The following PSG6 variants were observed in gnomAD, a reference collection of about 807,000 sequenced individuals.
PSG6 encodes the protein pregnancy-specific beta-1-glycoprotein 6.
A neutral mutation model predicts 43.3 loss-of-function variants in PSG6; 51 were observed. That is an observed-to-expected ratio of 1.18 (90% CI 0.94 to 1.49). The LOEUF (loss-of-function observed/expected upper bound fraction) is 1.49. Among genes scored for constraint, PSG6 ranks in the 40% most tolerant of loss-of-function variants. The pLI is 0.00. For synonymous variants in PSG6, 292 were observed against 197.6 expected (o/e 1.48, Z -4.01); for missense variants, 770 against 522.2 (o/e 1.47, Z -4.62).
At chr19:42,917,485 T>A (rs1972360327) in intron 1 of PSG6, among the ~76,000 whole-genome samples, 1 of 149,466 alleles carries the variant, frequency 6.7e-6, no homozygotes, top group Non-Finnish European at 1.5e-5. Flanking sequence ...TGCCTCAGCC[T>A]CCCGAAAGCT....
intron 4 of PSG6, 87 bp downstream of exon 4, chr19:42,907,489 G>C: frequency 6.3e-7 from 1 of 1,580,296 alleles, no homozygotes; most frequent in African/African-American, 1.3e-5. Flanking sequence ...GTCTATACTT[G>C]GACCGGAGAG....
intron 5 of PSG6, among the ~76,000 whole-genome samples, chr19:42,902,997 T>C (rs777460106): frequency 6.6e-6 from 1 of 151,670 alleles, no homozygotes; most frequent in Non-Finnish European, 1.5e-5. Context: ...TCTCATTTAA[T>C]CCACACAATA....
chr19:42,904,027 C>A (rs1449925527), intron 5 of PSG6, among the ~76,000 whole-genome samples: 1 of 151,646 alleles, frequency 6.6e-6, no homozygotes, highest in Non-Finnish European at 1.5e-5. Flanking sequence ...AATAGACAAA[C>A]TCCTAGAAAC....
chr19:42,911,905 C>T (rs910944209), intron 2 of PSG6, among the ~76,000 whole-genome samples: 3 of 151,332 alleles, frequency 2.0e-5, no homozygotes, highest in African/African-American at 7.3e-5. Context: ...ACTGAAATCA[C>T]GGGTATAGGG....
chr19:42,908,687 G>A (rs1470364686), intron 3 of PSG6, among the ~76,000 whole-genome samples: 1 of 151,712 alleles, frequency 6.6e-6, no homozygotes, highest in Non-Finnish European at 1.5e-5. Context: ...ACTGAGTGGT[G>A]GAAAGGGTGG....
intron 5 of PSG6, among the ~76,000 whole-genome samples, chr19:42,902,652 TTCTC>T (rs759148548): frequency 2.0e-5 from 3 of 151,576 alleles, no homozygotes; most frequent in Non-Finnish European, 4.4e-5. Context: ...TAAAACTTCT[TTCTC>T]TTTCTTTTTC....
At chr19:42,903,248 G>A (rs960250004) in intron 5 of PSG6, among the ~76,000 whole-genome samples, 2 of 151,570 alleles carry the variant, frequency 1.3e-5, no homozygotes, top group South Asian at 2.1e-4. Context: ...TATGAAGAAA[G>A]TACTCTTATT....
intron 3 of PSG6, among the ~76,000 whole-genome samples, chr19:42,908,464 A>G (rs1482676986): frequency 6.6e-6 from 1 of 151,766 alleles, no homozygotes; most frequent in Non-Finnish European, 1.5e-5. Flanking sequence ...CAGGTGTTTC[A>G]TGATGACTTA....
At chr19:42,903,017 G>A (rs1021755716) in intron 5 of PSG6, among the ~76,000 whole-genome samples, 2 of 151,508 alleles carry the variant, frequency 1.3e-5, no homozygotes, top group Non-Finnish European at 2.9e-5. Context: ...AACCCTGTCA[G>A]GTAGGCATTA....
Position 42,907,237 on chromosome 19 carries a change from C to G in PSG6, c.986-61G>C, listed in dbSNP as rs112217360. On this transcript the variant is annotated intron_variant, in intron 4 of 5. Transcript: ENST00000187910. The stretch of plus-strand genomic sequence containing the variant: ...TCCAAGGGAAGGGGATGCTCCTGGT[C>G]TCTTAAAGGGACACAGTGACCCTCT... The G allele has an allele frequency of 0.012, 18,502 of 1,577,946 alleles. 2,006 individuals carry two copies. The African/African-American group carries it at 0.22, about 18-fold the overall frequency.
At chr19:42,916,562 A>G in intron 1 of PSG6, 75 bp from the exon 2 acceptor site, 2 of 1,527,666 alleles carry the variant, frequency 1.3e-6, no homozygotes, top group Admixed American at 2.0e-5. Context: ...CTGTGTCCTG[A>G]GAAGGTCTCT....
At chr19:42,913,852 C>A (rs1353327901) in intron 2 of PSG6, among the ~76,000 whole-genome samples, 4 of 151,470 alleles carry the variant, frequency 2.6e-5, no homozygotes, top group Non-Finnish European at 5.9e-5. Context: ...CGCATGATTC[C>A]ATCACCAATC....
Position 42,902,408 on chromosome 19 carries a change from G to A in PSG6, c.*4C>T, listed in dbSNP as rs772400167. 2.5e-6 allele frequency: 4 copies of A among 1,610,698 alleles called. No individual in the cohort carries two copies. The African/African-American group carries it at 5.4e-5, about 22-fold the overall frequency. ...TTTTCTCAGTGTCTCTATTGTGGCA[G>A]CCATTAATGAGACTCTGTCTGGTTT... On this transcript the variant is annotated 3_prime_UTR_variant, in exon 6 of 6. Coordinates refer to ENST00000187910, the MANE Select transcript of PSG6 (RefSeq NM_001031850.4).
intron 2 of PSG6, among the ~76,000 whole-genome samples, chr19:42,914,916 G>C (rs1376893321): frequency 6.6e-6 from 1 of 151,590 alleles, no homozygotes; most frequent in Non-Finnish European, 1.5e-5. Context: ...TAAGATCTGA[G>C]GGGGAGACCT....
intron 3 of PSG6, 26 bp from the exon 4 acceptor site, chr19:42,907,880 T>C (rs1201016460): frequency 6.2e-7 from 1 of 1,607,642 alleles, no homozygotes; most frequent in Admixed American, 1.7e-5. Context: ...AAGATTGTCC[T>C]GTGTGGCACC....
chr19:42,903,179 T>C (rs559426496), intron 5 of PSG6, among the ~76,000 whole-genome samples: 1 of 151,786 alleles, frequency 6.6e-6, no homozygotes, highest in Admixed American at 6.6e-5. Flanking sequence ...CAGCTGACAT[T>C]GGTTCCTCTT....
chr19:42,915,895 G>A, intron 2 of PSG6: 1 of 643,242 alleles, frequency 1.6e-6, no homozygotes, highest in Non-Finnish European at 2.5e-6. Flanking sequence ...CCCCCCATCA[G>A]ACTGTCCTTC....
Position 42,902,115 on chromosome 19 carries a change from A to T in PSG6, c.*297T>A, listed in dbSNP as rs184185375. 3.1e-6 allele frequency: 1 copy of T among 319,870 alleles called. No individual in the cohort carries two copies. Among genetic ancestry groups the T allele is most frequent in the African/African-American group, 2.1e-5 (1 of 46,858 alleles). 19.8% of individuals were successfully genotyped at this position (319,870 alleles called of 1,614,324 possible). ...CTTGTGCAAATAACTTTATTACCATAAACCTATGAATACTCATGAATAGTT... is the reference window on the plus strand; with the variant it reads ...CTTGTGCAAATAACTTTATTACCATTAACCTATGAATACTCATGAATAGTT... On this transcript the variant is annotated 3_prime_UTR_variant, in exon 6 of 6. Coordinates refer to ENST00000187910, the MANE Select transcript of PSG6 (RefSeq NM_001031850.4).
rs1164463715 is a variant in PSG6 at position 42,916,203 on chromosome 19, C to A, written c.349G>T (p.Gly117Ter). The A allele has an allele frequency of 6.2e-7, 1 of 1,612,076 alleles. No individual in the cohort carries two copies. The highest frequency in any genetic ancestry group is 8.5e-7 in the Non-Finnish European group (1 of 1,179,102). Reference protein sequence around the residue: ...LIQNVTQEDAGSYTLHIIKRG... With the variant: ...LIQNVTQEDA ...TTTATGATGTGTAAGGTGTAGGATC[C>A]TGCATCCTCCTGTGTGACATTCTGG... is the stretch of plus-strand genomic sequence containing the variant. Residue 117 changes from glycine (G) to a stop codon, truncating the protein, a stop_gained, in exon 2 of 6, where the codon GGA becomes TGA. Coordinates refer to ENST00000187910, the MANE Select transcript of PSG6 (RefSeq NM_001031850.4). LOFTEE classifies it high-confidence loss of function.
Sources: allele counts gnomAD v4.1 joint callset (sites outside exome capture counted in the v4.1 genomes callset), GRCh38; gene constraint gnomAD v4.1.1; transcripts MANE v1.5; gene names NCBI Gene and HGNC (gene_info 2026-07-23, HGNC 2026-07-21).